Variants in KCNIP4 observed in about 807,000 individuals in gnomAD.
The protein encoded by KCNIP4 is Kv channel-interacting protein 4.
Under a neutral mutation model 34.0 loss-of-function variants are expected in KCNIP4, and 12 were observed. That is an observed-to-expected ratio of 0.35 (90% CI 0.23 to 0.57). KCNIP4 has a LOEUF of 0.57. Among genes scored for constraint, KCNIP4 ranks in the 20% least tolerant of loss-of-function variants. KCNIP4 has a pLI of 0.83. For synonymous variants in KCNIP4, 124 were observed against 102.2 expected (o/e 1.21, Z -1.29); for missense variants, 238 against 311.7 (o/e 0.76, Z 1.78).
In KCNIP4 at chr4:21,827,438, A is replaced by C. The variant is rs184479506; in HGVS notation, c.61+121133T>G. On this transcript the variant is annotated intron_variant, in intron 1 of 8. Transcript: ENST00000382152. ...AAGAAACAGTCCTAAGGCTTAACAA[A>C]ATACTTTTAAAAATTTCTAATGTAC... Among the ~76,000 whole-genome samples the C allele has an allele frequency of 2.5e-3, 383 of 152,144 alleles. 1 individual carries two copies. Among genetic ancestry groups the C allele is most frequent in the African/African-American group, 8.0e-3 (332 of 41,566 alleles).
intron 1 of KCNIP4, among the ~76,000 whole-genome samples, chr4:21,766,921 A>G (rs967533989): frequency 3.3e-5 from 5 of 152,190 alleles, no homozygotes; most frequent in African/African-American, 7.2e-5. Context: ...AGTGATCACA[A>G]CAAAGACCCT....
At chr4:20,995,846 G>T (rs1346008308) in intron 1 of KCNIP4, among the ~76,000 whole-genome samples, 1 of 152,200 alleles carries the variant, frequency 6.6e-6, no homozygotes, top group East Asian at 1.9e-4. Context: ...GGCATGAAGG[G>T]TGTGAGGAAG....
At chr4:20,769,440 G>A (rs1443380082) in intron 3 of KCNIP4, among the ~76,000 whole-genome samples, 2 of 152,034 alleles carry the variant, frequency 1.3e-5, no homozygotes, top group East Asian at 1.9e-4. Context: ...ACTTTATCCA[G>A]AAGACAGTGT....
chr4:21,041,955 C>A (rs1316339518), intron 1 of KCNIP4, among the ~76,000 whole-genome samples: 2 of 152,168 alleles, frequency 1.3e-5, no homozygotes, highest in African/African-American at 2.4e-5. Flanking sequence ...AAAATAAAGA[C>A]AAAATACCTA....
intron 1 of KCNIP4, among the ~76,000 whole-genome samples, chr4:21,484,759 C>G (rs1731766734): frequency 6.6e-6 from 1 of 152,186 alleles, no homozygotes; most frequent in African/African-American, 2.4e-5. Flanking sequence ...TAAAACTGAC[C>G]TCTTTCTTCT....
chr4:21,612,274 T>C (rs1227809574), intron 1 of KCNIP4, among the ~76,000 whole-genome samples: 2 of 152,164 alleles, frequency 1.3e-5, no homozygotes, highest in Non-Finnish European at 2.9e-5. Flanking sequence ...TTCCACAGTA[T>C]GCCACCAAAG....
chr4:21,114,724 C>T (rs7689340), intron 1 of KCNIP4, among the ~76,000 whole-genome samples: 44,689 of 151,714 alleles, frequency 0.29, 7,313 homozygotes, highest in African/African-American at 0.45. Context: ...CTTTGAAACA[C>T]AGAATCATTA....
intron 1 of KCNIP4, among the ~76,000 whole-genome samples, chr4:21,864,109 G>A (rs1725271026): frequency 6.6e-6 from 1 of 152,136 alleles, no homozygotes; most frequent in African/African-American, 2.4e-5. Flanking sequence ...ACATTCCCAT[G>A]AACTCATTGT....
At chr4:21,472,695 G>A (rs758629625) in intron 1 of KCNIP4, among the ~76,000 whole-genome samples, 4 of 152,048 alleles carry the variant, frequency 2.6e-5, no homozygotes, top group Non-Finnish European at 5.9e-5. Flanking sequence ...TATTTGAAAC[G>A]CAGTTCAGGT....
At chr4:20,780,663 C>T (rs780731763) in intron 3 of KCNIP4, among the ~76,000 whole-genome samples, 3 of 152,158 alleles carry the variant, frequency 2.0e-5, no homozygotes, top group Non-Finnish European at 2.9e-5. Context: ...GAACAGTTCT[C>T]CATCCCCCAG....
intron 1 of KCNIP4, among the ~76,000 whole-genome samples, chr4:21,654,856 G>A (rs925498248): frequency 2.6e-5 from 4 of 152,004 alleles, no homozygotes; most frequent in East Asian, 1.9e-4. Flanking sequence ...CCTGGGAGGC[G>A]GAGCTTGCAG....
At chr4:21,736,248 G>A (rs576965274) in intron 1 of KCNIP4, among the ~76,000 whole-genome samples, 1 of 152,150 alleles carries the variant, frequency 6.6e-6, no homozygotes, top group East Asian at 1.9e-4. Flanking sequence ...ACTCCAGCAT[G>A]GCCCAGCCCA....
At chr4:21,087,413 A>G (rs1746569810) in intron 1 of KCNIP4, among the ~76,000 whole-genome samples, 1 of 151,974 alleles carries the variant, frequency 6.6e-6, no homozygotes, top group Non-Finnish European at 1.5e-5. Flanking sequence ...TCCTGACCTC[A>G]TGATCTGCCC....
At chr4:21,283,558 T>C (rs1270011971) in intron 1 of KCNIP4, among the ~76,000 whole-genome samples, 1 of 149,844 alleles carries the variant, frequency 6.7e-6, no homozygotes, top group Non-Finnish European at 1.5e-5. Context: ...TACTCGACCA[T>C]AAGTTTTTAC....
chr4:20,830,869 C>T (rs1430727616), intron 3 of KCNIP4, among the ~76,000 whole-genome samples: 2 of 152,062 alleles, frequency 1.3e-5, no homozygotes, highest in Non-Finnish European at 2.9e-5. Flanking sequence ...GACAAGATGC[C>T]TTAGAATTCC....
intron 1 of KCNIP4, among the ~76,000 whole-genome samples, chr4:21,812,952 C>T (rs1286149114): frequency 6.6e-6 from 1 of 152,112 alleles, no homozygotes; most frequent in Non-Finnish European, 1.5e-5. Context: ...ATACAGGATT[C>T]CCGTACCTAC....
chr4:21,364,450 C>T (rs1029689112), intron 1 of KCNIP4, among the ~76,000 whole-genome samples: 8 of 151,736 alleles, frequency 5.3e-5, no homozygotes, highest in African/African-American at 1.9e-4. Flanking sequence ...TTTGAGAAAA[C>T]AAATTTGGGC....
chr4:20,920,302 G>C (rs1029011260), intron 1 of KCNIP4, among the ~76,000 whole-genome samples: 1 of 152,122 alleles, frequency 6.6e-6, no homozygotes, highest in Non-Finnish European at 1.5e-5. Flanking sequence ...TGCCGATATG[G>C]ACTAGGAAAA....
At chr4:20,864,043 C>CGCAT (rs1553908217) in intron 2 of KCNIP4, among the ~76,000 whole-genome samples, 1 of 95,730 alleles carries the variant, frequency 1.0e-5, no homozygotes. Context: ...TGTATGTATA[C>CGCAT]GCATGTATGT....
Sources: gnomAD v4.1 joint callset for allele counts (sites outside exome capture counted in the v4.1 genomes callset) on GRCh38, gnomAD v4.1.1 for gene constraint, MANE v1.5 for transcripts, NCBI Gene and HGNC (gene_info 2026-07-23, HGNC 2026-07-21) for gene names.